Variants in PTPN14 observed in about 807,000 individuals in gnomAD.
PTPN14 encodes the protein protein tyrosine phosphatase non-receptor type 14.
In PTPN14, 53 loss-of-function variants were observed where a neutral mutation model predicts 126.8. That is an observed-to-expected ratio of 0.42 (90% CI 0.34 to 0.53). The LOEUF is 0.53. Ranked by LOEUF, PTPN14 falls within the 20% of genes least tolerant of loss-of-function variation. The probability of loss-of-function intolerance (pLI) is 0.08; values close to 1 mark genes in which losing one functional copy is unlikely to be tolerated. For synonymous variants in PTPN14, 630 were observed against 599.3 expected, an observed-to-expected ratio of 1.05 and a Z score of -0.75; for missense variants, 1,257 against 1,552.9, an observed-to-expected ratio of 0.81 and a Z score of 3.20.
At chr1:214,390,952 G>C (rs768527708) in intron 11 of PTPN14, 36 bp downstream of exon 11, 1 of 1,432,838 alleles carries the variant, frequency 7.0e-7, no homozygotes, top group Non-Finnish European at 9.5e-7. Context: ...ATGCTCAACA[G>C]TCAGATCACT....
chr1:214,519,804 C>T (rs1360116380), intron 1 of PTPN14, among the ~76,000 whole-genome samples: 1 of 151,948 alleles, frequency 6.6e-6, no homozygotes, highest in African/African-American at 2.4e-5. Flanking sequence ...CATCCTAGCA[C>T]TTTGGGAGGC....
At chr1:214,432,101 CTGGGCCAGGAACTA>C (rs1659809847) in intron 3 of PTPN14, among the ~76,000 whole-genome samples, 2 of 151,958 alleles carry the variant, frequency 1.3e-5, no homozygotes, top group South Asian at 4.2e-4. Flanking sequence ...GGAGGATCTC[CTGGGCCAGGAACTA>C]TGGGCCAGGA....
At chr1:214,407,098 A>G (rs1659188911) in intron 5 of PTPN14, among the ~76,000 whole-genome samples, 1 of 152,228 alleles carries the variant, frequency 6.6e-6, no homozygotes, top group African/African-American at 2.4e-5. Flanking sequence ...GCATATTGAC[A>G]TTAAGCCCTA....
At chr1:214,451,715 A>C (rs1345509963) in intron 3 of PTPN14, 90 bp downstream of exon 3, 1 of 1,448,954 alleles carries the variant, frequency 6.9e-7, no homozygotes, top group Non-Finnish European at 9.4e-7. Context: ...ACACCCACAC[A>C]CCCCTAAATC....
chr1:214,384,484 C>T lies in PTPN14; in HGVS notation c.1371G>A (p.Leu457=), dbSNP rs1439818831. Residue 457 remains leucine, a synonymous_variant, in exon 13 of 19, where the codon CTG becomes CTA. Coordinates refer to ENST00000366956, the MANE Select transcript of PTPN14 (RefSeq NM_005401.5). The surrounding 1 kb of genome is among the most constrained non-coding windows in gnomAD (Gnocchi z 5.3). ...TVMRQMKRGI[L]HTDSQSQSLR... is the part of the protein sequence containing the mutation. ...GAGACTGGCTCTGGCTGTCTGTATGCAGGATCCCCCTCTTCATCTGGCGCA... is the reference window on the plus strand; with the variant it reads ...GAGACTGGCTCTGGCTGTCTGTATGTAGGATCCCCCTCTTCATCTGGCGCA... 1.9e-6 allele frequency: 3 copies of T among 1,614,136 alleles called. No homozygotes were observed. Among genetic ancestry groups the T allele is most frequent in the Non-Finnish European group, 2.5e-6 (3 of 1,180,016 alleles).
At chr1:214,475,342 A>G (rs1433163253) in intron 1 of PTPN14, among the ~76,000 whole-genome samples, 4 of 152,236 alleles carry the variant, frequency 2.6e-5, no homozygotes, top group Non-Finnish European at 4.4e-5. Context: ...AAAAGGCAGT[A>G]GGAAAAATTC....
Position 214,532,692 on chromosome 1 carries a change from A to G in PTPN14, c.-155+18491T>C. ...ATGACTTTAGAGTCAAGTATGAGAC[A>G]GACTCTCAGGCGCCAGTCTGTGGAG... On this transcript the variant is annotated intron_variant, in intron 1 of 18. Coordinates refer to ENST00000366956, the MANE Select transcript of PTPN14 (RefSeq NM_005401.5). The G allele has an allele frequency of 6.2e-6, 5 of 803,314 alleles. No homozygotes were observed. The South Asian group carries it at 6.6e-5, about 11-fold the overall frequency. 49.8% of individuals were successfully genotyped at this position (803,314 alleles called of 1,614,324 possible).
At chr1:214,388,168 C>T (rs1358000309) in intron 11 of PTPN14, among the ~76,000 whole-genome samples, 3 of 152,128 alleles carry the variant, frequency 2.0e-5, no homozygotes, top group Non-Finnish European at 2.9e-5. Context: ...AAAGGAAAGA[C>T]GGTTATGCAC....
intron 7 of PTPN14, among the ~76,000 whole-genome samples, chr1:214,398,431 A>G (rs899307115): frequency 7.2e-5 from 11 of 152,082 alleles, no homozygotes; most frequent in African/African-American, 2.7e-4. Context: ...ATAGTTAGTA[A>G]CAATATATTG....
intron 15 of PTPN14, among the ~76,000 whole-genome samples, chr1:214,373,222 T>C (rs1658260868): frequency 6.6e-6 from 1 of 152,102 alleles, no homozygotes; most frequent in African/African-American, 2.4e-5. Context: ...GCCCGGCTAA[T>C]TTTTGTATTT....
At position 214,408,561 on chromosome 1, in the gene PTPN14, A is replaced by G. The variant is rs191097957; in HGVS notation, c.510+3123T>C. ...GTGAGCACAGGCTGTGTGCCAGATGACAGTGAAGAAGACAGGGTCCCTGTT... is the reference window on the plus strand; with the variant it reads ...GTGAGCACAGGCTGTGTGCCAGATGGCAGTGAAGAAGACAGGGTCCCTGTT... On this transcript the variant is annotated intron_variant, in intron 5 of 18. Transcript: ENST00000366956. 4.0e-3 allele frequency among the ~76,000 whole-genome samples: 607 copies of G among 152,348 alleles called. 2 individuals are homozygous for G. Among genetic ancestry groups the G allele is most frequent in the African/African-American group, 0.014 (574 of 41,576 alleles).
chr1:214,473,439 T>C (rs1332461523), intron 1 of PTPN14, among the ~76,000 whole-genome samples: 1 of 152,264 alleles, frequency 6.6e-6, no homozygotes, highest in Non-Finnish European at 1.5e-5. Context: ...ATGCTATGTA[T>C]ACTTAACTCT....
At position 214,394,920 on chromosome 1, in the gene PTPN14, T is replaced by G. The variant is rs761022697; in HGVS notation, c.825A>C (p.Glu275Asp). ...STILVELINK[E>D]ETALFHTDDI... ...TTACCGTGTGAAAGAGGGCAGTCTCTTCTTTGTTGATGAGCTCCACTAGAA... is the reference window on the plus strand; with the variant it reads ...TTACCGTGTGAAAGAGGGCAGTCTCGTCTTTGTTGATGAGCTCCACTAGAA... Residue 275 changes from glutamate to aspartate, a missense_variant, in exon 9 of 19, where the codon GAA (glutamate) becomes GAC (aspartate). By Grantham distance (45) the Glu-to-Asp change is conservative. Around this residue, in one of 3 missense-constraint regions of PTPN14, gnomAD observed 1,021 missense variants for 1,183.3 expected, o/e 0.86. Transcript: ENST00000366956. The G allele has an allele frequency of 1.5e-5, 25 of 1,613,366 alleles. No individual in the cohort carries two copies. Among genetic ancestry groups the G allele is most frequent in the Non-Finnish European group, 2.0e-5 (24 of 1,179,442 alleles).
intron 1 of PTPN14, chr1:214,532,854 C>T: frequency 2.0e-6 from 2 of 1,022,418 alleles, no homozygotes; most frequent in Non-Finnish European, 3.1e-6. Flanking sequence ...GCCTACAAGC[C>T]CAGATTGCCA....
chr1:214,460,202 G>GAACTACATAA (rs1422882516), intron 2 of PTPN14, among the ~76,000 whole-genome samples: 1 of 152,166 alleles, frequency 6.6e-6, no homozygotes, highest in African/African-American at 2.4e-5. Flanking sequence ...AACTACATGA[G>GAACTACATAA]CTGATATATG....
chr1:214,401,412 C>T (rs191447525), intron 7 of PTPN14, among the ~76,000 whole-genome samples: 1 of 152,332 alleles, frequency 6.6e-6, no homozygotes, highest in East Asian at 1.9e-4. Flanking sequence ...GGATATCAGC[C>T]TTGATACCTC....
chr1:214,475,543 T>C (rs1238186103), intron 1 of PTPN14, among the ~76,000 whole-genome samples: 1 of 152,218 alleles, frequency 6.6e-6, no homozygotes, highest in Non-Finnish European at 1.5e-5. Context: ...CACCCTTCTT[T>C]GGGAGATGTG....
At chr1:214,541,052 G>A (rs1041338234) in intron 1 of PTPN14, among the ~76,000 whole-genome samples, 4 of 151,934 alleles carry the variant, frequency 2.6e-5, no homozygotes, top group Non-Finnish European at 5.9e-5. Context: ...TACAAAATAT[G>A]TCTCCAAAGG....
chr1:214,444,049 G>A (rs1468014263), intron 3 of PTPN14, among the ~76,000 whole-genome samples: 1 of 152,204 alleles, frequency 6.6e-6, no homozygotes, highest in Non-Finnish European at 1.5e-5. Flanking sequence ...AACTAGCAAA[G>A]TGTCTAACAC....
Sources: allele counts gnomAD v4.1 joint callset (sites outside exome capture counted in the v4.1 genomes callset), GRCh38; gene constraint gnomAD v4.1.1; regional missense constraint gnomAD v4.1.1; non-coding constraint Gnocchi (gnomAD v3.1); transcripts MANE v1.5; gene names NCBI Gene and HGNC (gene_info 2026-07-23, HGNC 2026-07-21).